Variants in NAT1 observed in about 807,000 individuals in gnomAD.
NAT1 encodes the protein N-acetyltransferase 1.
For missense variants in NAT1, 400 were observed against 339.2 expected, an observed-to-expected ratio of 1.18 and a Z score of -1.41; for synonymous variants, 144 against 122.6, an observed-to-expected ratio of 1.17 and a Z score of -1.16.
At chr8:18,170,746 GC>G (rs1802065553) in intron 2 of NAT1, 1 of 152,118 alleles carries the variant, frequency 6.6e-6, no homozygotes, top group Non-Finnish European at 1.5e-5. Flanking sequence ...CTGTGTAAGT[GC>G]CCTCCAGGGC....
intron 1 of NAT1, chr8:18,217,087 G>A: frequency 1.3e-6 from 1 of 792,418 alleles, no homozygotes; most frequent in Non-Finnish European, 2.0e-6. Context: ...GGGAATTAGT[G>A]AGAATTTCCT....
intron 2 of NAT1, among the ~76,000 whole-genome samples, chr8:18,187,274 T>C (rs886137127): frequency 2.0e-5 from 3 of 152,190 alleles, no homozygotes; most frequent in African/African-American, 7.2e-5. Context: ...GTTCAGCCAC[T>C]GTGGAAAACA....
chr8:18,170,614 A>G (rs1189405666), intron 1 of NAT1: 1 of 152,184 alleles, frequency 6.6e-6, no homozygotes, highest in Admixed American at 6.6e-5. Context: ...GCTTGGTTCT[A>G]GAATCCTTTT....
In NAT1 at chr8:18,221,105, C is replaced by T. The variant is rs8190844; in HGVS notation, c.-6-937C>T. Among the ~76,000 whole-genome samples, 1,000 of 152,312 alleles carry T rather than the reference C, an allele frequency of 6.6e-3. 7 individuals are homozygous for T. Among genetic ancestry groups the T allele is most frequent in the Non-Finnish European group, 0.011 (746 of 68,022 alleles). ...TAGCTCCAAGGCTGCAGTTGCCTGT[C>T]AGATCTCATCTCAGTCCACTCTCCT... On this transcript the variant is annotated intron_variant, in intron 2 of 2. Coordinates refer to ENST00000307719, the MANE Select transcript of NAT1 (RefSeq NM_000662.8).
Position 18,188,994 on chromosome 8 carries a change from CAAAAAAA to C in NAT1, n.92+18267_92+18273del, listed in dbSNP as rs55636901. Among the ~76,000 whole-genome samples, 5 of 83,120 alleles carry C rather than the reference CAAAAAAA, an allele frequency of 6.0e-5. No homozygotes were observed. In the Admixed American group the frequency reaches 6.8e-4, roughly 11 times the overall value. 54.5% of individuals were successfully genotyped at this position (83,120 alleles called of 152,430 possible). ...TGGGTGACAGAGAGAGACTCCGACT[CAAAAAAA>C]AAAAAAAAAAAGAAAGAAAGAAAGA... On this transcript the variant is annotated intron_variant and non_coding_transcript_variant, in intron 2 of 4. Coordinates refer to the NAT1 transcript ENST00000517441.
At chr8:18,210,264 T>C (rs975598174) in intron 1 of NAT1, 84 bp downstream of exon 1, 14 of 152,300 alleles carry the variant, frequency 9.2e-5, no homozygotes, top group African/African-American at 3.1e-4. Flanking sequence ...TTCTACACGA[T>C]GTCTACATTT....
Position 18,222,153 on chromosome 8 carries a change from C to G in NAT1, c.106C>G (p.Pro36Ala), listed in dbSNP as rs1231619198. 6.2e-7 allele frequency: 1 copy of G among 1,614,002 alleles called. No individual in the cohort carries two copies. Among genetic ancestry groups the G allele is most frequent in the African/African-American group, 1.3e-5 (1 of 74,902 alleles). The change falls in exon 3 of 3, where the codon CCC becomes GCC. Residue 36 changes from proline (P) to alanine (A), a missense_variant. Transcript: ENST00000307719. ...DILQHQIRAVPFENLNIHCGD... is the reference protein window; with the variant it reads ...DILQHQIRAVAFENLNIHCGD... Reference sequence around the variant, plus strand: ...TCTTCAACACCAGATCCGAGCTGTTCCCTTTGAGAACCTTAACATCCATTG... The same window carrying G: ...TCTTCAACACCAGATCCGAGCTGTTGCCTTTGAGAACCTTAACATCCATTG...
chr8:18,199,357 T>C (rs909943371), intron 2 of NAT1, among the ~76,000 whole-genome samples: 4 of 151,916 alleles, frequency 2.6e-5, no homozygotes, highest in African/African-American at 9.7e-5. Flanking sequence ...TTTGGCGCCT[T>C]TCTTGTTGGC....
intron 2 of NAT1, among the ~76,000 whole-genome samples, chr8:18,188,632 T>TAA (rs1802842124): frequency 6.6e-6 from 1 of 152,068 alleles, no homozygotes; most frequent in African/African-American, 2.4e-5. Context: ...AAATAGTGGC[T>TAA]TTTTTAGTTT....
In NAT1 at chr8:18,222,596, C is replaced by T. The variant is rs759062848; in HGVS notation, c.549C>T (p.Asp183=). The T allele has an allele frequency of 6.2e-7, 1 of 1,613,284 alleles. No homozygotes were observed. Among genetic ancestry groups the T allele is most frequent in the Non-Finnish European group, 8.5e-7 (1 of 1,179,696 alleles). Residue 183 remains aspartate, a synonymous_variant, in exon 3 of 3, where the codon GAC becomes GAT. Coordinates refer to ENST00000307719, the MANE Select transcript of NAT1 (RefSeq NM_000662.8). ...TTCTTCATTCTGATCTCCTAGAAGA[C>T]AGCAAATACCGAAAAATCTACTCCT... The part of the protein sequence containing the change: ...EEFLHSDLLE[D]SKYRKIYSFT...
At position 18,222,662 on chromosome 8, in the gene NAT1, G is replaced by GAATACATAC. The variant is rs1278046393; in HGVS notation, c.616_624dup (p.Asn206_Tyr208dup). On this transcript the variant is annotated inframe_insertion, in exon 3 of 3. Coordinates refer to ENST00000307719, the MANE Select transcript of NAT1 (RefSeq NM_000662.8). The stretch of plus-strand genomic sequence containing the variant: ...GAACAATTGAAGATTTTGAGTCTAT[G>GAATACATAC]AATACATACCTGCAGACATCTCCAT... 6.2e-7 allele frequency: 1 copy of GAATACATAC among 1,613,786 alleles called. No homozygotes were observed.
Position 18,178,711 on chromosome 8 carries a change from G to A in NAT1, n.92+7972G>A, listed in dbSNP as rs28383667. Reference sequence around the variant, plus strand: ...ACAATTGAGTCATATTCCTTTGAGAGAGGAAGGAGTAGATAAAATATCAGG... The same window carrying A: ...ACAATTGAGTCATATTCCTTTGAGAAAGGAAGGAGTAGATAAAATATCAGG... On this transcript the variant is annotated intron_variant and non_coding_transcript_variant, in intron 2 of 4. Transcript: ENST00000517441. 8.5e-3 allele frequency among the ~76,000 whole-genome samples: 1,299 copies of A among 152,282 alleles called. 17 individuals carry two copies. Among genetic ancestry groups the A allele is most frequent in the African/African-American group, 0.028 (1,170 of 41,574 alleles).
chr8:18,173,012 C>T (rs552628703), intron 2 of NAT1, among the ~76,000 whole-genome samples: 1 of 152,208 alleles, frequency 6.6e-6, no homozygotes, highest in East Asian at 1.9e-4. Context: ...ATGGGGAGCC[C>T]AGGACCTCTC....
chr8:18,213,643 C>T (rs943395777), intron 1 of NAT1, among the ~76,000 whole-genome samples: 2 of 152,140 alleles, frequency 1.3e-5, no homozygotes, highest in Admixed American at 6.5e-5. Flanking sequence ...AGCATTGAGC[C>T]ACCTGTAGTC....
At chr8:18,212,027 A>G (rs1804157915) in intron 1 of NAT1, among the ~76,000 whole-genome samples, 2 of 152,162 alleles carry the variant, frequency 1.3e-5, no homozygotes, top group Non-Finnish European at 2.9e-5. Flanking sequence ...ACTGCTTTTA[A>G]TTCTTCTATG....
At chr8:18,221,331 C>A (rs1030283744) in intron 2 of NAT1, among the ~76,000 whole-genome samples, 80 of 145,172 alleles carry the variant, frequency 5.5e-4, no homozygotes, top group African/African-American at 1.9e-3. Flanking sequence ...TTTTTTTAAA[C>A]CAACTAATTT....
chr8:18,195,021 T>G (rs1252957809), intron 2 of NAT1, among the ~76,000 whole-genome samples: 1 of 151,938 alleles, frequency 6.6e-6, no homozygotes, highest in African/African-American at 2.4e-5. Flanking sequence ...TTGCTAGCAG[T>G]TTCAGCAGTG....
chr8:18,193,491 G>GATAT (rs142473962), intron 2 of NAT1, among the ~76,000 whole-genome samples: 9 of 102,812 alleles, frequency 8.8e-5, no homozygotes, highest in East Asian at 3.1e-4. Context: ...TATATAATCT[G>GATAT]ATATATATAT....
chr8:18,205,285 G>A (rs1423150665), upstream of NAT1, among the ~76,000 whole-genome samples: 1 of 152,202 alleles, frequency 6.6e-6, no homozygotes, highest in African/African-American at 2.4e-5. Flanking sequence ...AGCTGTGGGG[G>A]TGGGAGCTTG....
Sources: gnomAD v4.1 joint callset for allele counts (sites outside exome capture counted in the v4.1 genomes callset) on GRCh38, gnomAD v4.1.1 for gene constraint, MANE v1.5 for transcripts, NCBI Gene and HGNC (gene_info 2026-07-23, HGNC 2026-07-21) for gene names.